Variants in BLK observed in about 807,000 individuals in gnomAD.
BLK encodes BLK proto-oncogene, Src family tyrosine kinase.
Under a neutral mutation model 61.8 loss-of-function variants are expected in BLK, and 64 were observed. The ratio of observed to expected loss-of-function variants is 1.03; its 90% CI spans 0.85 to 1.27. The LOEUF (loss-of-function observed/expected upper bound fraction) is 1.27, where lower values mean the gene tolerates loss of function less well. Among genes scored for constraint, BLK ranks in the 50% most tolerant of loss-of-function variants. The pLI is 0.00. For missense variants in BLK, 853 were observed against 660.5 expected (o/e 1.29, Z -3.19); for synonymous variants, 351 against 272.0 (o/e 1.29, Z -2.86).
At chr8:11,545,989 A>G in intron 2 of BLK, 63 bp from the exon 3 acceptor site, 2 of 1,570,314 alleles carry the variant, frequency 1.3e-6, no homozygotes, top group Non-Finnish European at 1.8e-6. Flanking sequence ...AGCAGTCTCA[A>G]CCCCCAGGCC....
At chr8:11,501,384 G>C (rs1384859336) in intron 1 of BLK, among the ~76,000 whole-genome samples, 1 of 149,662 alleles carries the variant, frequency 6.7e-6, no homozygotes, top group East Asian at 2.0e-4. Flanking sequence ...CATTAGCATG[G>C]AAAGGAATCA....
intron 1 of BLK, among the ~76,000 whole-genome samples, chr8:11,499,318 C>T (rs1367941269): frequency 1.3e-5 from 2 of 152,280 alleles, no homozygotes; most frequent in African/African-American, 2.4e-5. Context: ...GTTTTGTATA[C>T]GATGTTCGCA....
chr8:11,542,942 G>C (rs928929738), intron 1 of BLK, among the ~76,000 whole-genome samples: 2 of 152,112 alleles, frequency 1.3e-5, no homozygotes, highest in African/African-American at 4.8e-5. Context: ...GTCACCTGAG[G>C]ACCTGGATCC....
intron 2 of BLK, 45 bp downstream of exon 2, chr8:11,543,392 C>T (rs762247615): frequency 6.2e-7 from 1 of 1,607,988 alleles, no homozygotes; most frequent in Non-Finnish European, 8.5e-7. Flanking sequence ...ACTTACTTCT[C>T]CTATGCCTTA....
At chr8:11,557,829 A>T in intron 9 of BLK, 133 bp from the exon 10 acceptor site, 1 of 740,546 alleles carries the variant, frequency 1.4e-6, no homozygotes, top group Middle Eastern at 2.9e-4. Context: ...ATCCTTCCTG[A>T]TGCACCGAGA....
chr8:11,496,238 T>G (rs1427420294), intron 1 of BLK, among the ~76,000 whole-genome samples: 1 of 152,054 alleles, frequency 6.6e-6, no homozygotes, highest in Non-Finnish European at 1.5e-5. Flanking sequence ...GTTTTTCGTT[T>G]ATGTTTTTTG....
chr8:11,559,672 G>A (rs1032499964), intron 10 of BLK: 2 of 447,834 alleles, frequency 4.5e-6, no homozygotes, highest in African/African-American at 4.0e-5. Flanking sequence ...CAGGAACCCT[G>A]CAATCACAAT....
intron 11 of BLK, 119 bp downstream of exon 11, chr8:11,561,571 T>G: frequency 7.6e-7 from 1 of 1,316,778 alleles, no homozygotes. Context: ...GCTATACGGT[T>G]TCTACAGCTC....
At chr8:11,524,918 C>CAAAAA (rs34067077) in intron 1 of BLK, among the ~76,000 whole-genome samples, 5 of 128,040 alleles carry the variant, frequency 3.9e-5, no homozygotes, top group African/African-American at 1.4e-4. Context: ...TGCTTTTTTA[C>CAAAAA]AAAAAAAAAA....
At chr8:11,510,774 CAAATAAATAAATAAATAAAT>C (rs71203391) in intron 1 of BLK, among the ~76,000 whole-genome samples, 19 of 144,846 alleles carry the variant, frequency 1.3e-4, no homozygotes, top group Non-Finnish European at 1.5e-4. Flanking sequence ...GACTCCATCT[CAAATAAATAAATAAATAAAT>C]AAATAAATAA....
At chr8:11,532,822 G>A (rs374971874) in intron 1 of BLK, among the ~76,000 whole-genome samples, 4 of 152,310 alleles carry the variant, frequency 2.6e-5, no homozygotes, top group Admixed American at 6.5e-5. Context: ...ATTAGTGAGC[G>A]CTGAATATTA....
Position 11,508,083 on chromosome 8 carries a change from G to C in BLK, c.-2+13492G>C, listed in dbSNP as rs141962836. Among the ~76,000 whole-genome samples the C allele has an allele frequency of 2.5e-3, 379 of 152,302 alleles. 4 individuals carry two copies. Among genetic ancestry groups the C allele is most frequent in the African/African-American group, 8.8e-3 (367 of 41,556 alleles). On this transcript the variant is annotated intron_variant, in intron 1 of 12. Coordinates refer to ENST00000259089, the MANE Select transcript of BLK (RefSeq NM_001715.3). ...TCACAACAGCCCCGTGATGTCATCA[G>C]GAACCTGCCCACTGGCCCAGGGCTG...
intron 9 of BLK, 144 bp from the exon 10 acceptor site, chr8:11,557,818 G>C: frequency 2.8e-6 from 2 of 709,266 alleles, no homozygotes; most frequent in South Asian, 1.5e-5. Context: ...GCAGTAGGTA[G>C]ATCCTTCCTG....
intron 1 of BLK, among the ~76,000 whole-genome samples, chr8:11,528,703 A>T (rs1478711419): frequency 1.3e-5 from 2 of 152,242 alleles, no homozygotes; most frequent in Admixed American, 1.3e-4. Context: ...CAACATGTGT[A>T]TAACGAAAAC....
intron 12 of BLK, 73 bp from the exon 13 acceptor site, chr8:11,563,830 C>A: frequency 7.0e-7 from 1 of 1,434,978 alleles, no homozygotes; most frequent in Non-Finnish European, 9.5e-7. Flanking sequence ...CTGTGCCCCG[C>A]GGGACGCTCA....
At chr8:11,497,024 C>T (rs1187906273) in intron 1 of BLK, among the ~76,000 whole-genome samples, 2 of 152,124 alleles carry the variant, frequency 1.3e-5, no homozygotes, top group African/African-American at 2.4e-5. Context: ...AACAGCAAGA[C>T]AGAGAAACCT....
At chr8:11,517,511 C>T (rs1799275144) in intron 1 of BLK, among the ~76,000 whole-genome samples, 1 of 152,246 alleles carries the variant, frequency 6.6e-6, no homozygotes, top group African/African-American at 2.4e-5. Context: ...CCAAGCACGC[C>T]TGGATGTTCC....
Position 11,554,976 on chromosome 8 carries a change from G to A in BLK, c.619+87G>A, listed in dbSNP as rs1801128918. 8.4e-6 allele frequency: 13 copies of A among 1,544,622 alleles called. No individual in the cohort carries two copies. In the South Asian group the frequency reaches 1.3e-4, roughly 15 times the overall value. ...AGATTCCCAATTGTGTGAGTCATTG[G>A]TGCCACCTTGGGGGATGGAAAGATT... On this transcript the variant is annotated intron_variant, in intron 7 of 12. Transcript: ENST00000259089.
At chr8:11,498,253 G>C (rs1280420155) in intron 1 of BLK, among the ~76,000 whole-genome samples, 4 of 152,196 alleles carry the variant, frequency 2.6e-5, no homozygotes, top group Non-Finnish European at 5.9e-5. Context: ...GTTTGTGTAT[G>C]TGTGAAACGC....
Sources: allele counts gnomAD v4.1 joint callset (sites outside exome capture counted in the v4.1 genomes callset), GRCh38; gene constraint gnomAD v4.1.1; transcripts MANE v1.5; gene names NCBI Gene and HGNC (gene_info 2026-07-23, HGNC 2026-07-21).